The following FAM184B variants were observed in gnomAD, a reference collection of about 807,000 sequenced individuals.
FAM184B encodes protein FAM184B.
A neutral mutation model predicts 135.9 loss-of-function variants in FAM184B; 111 were observed. The ratio of observed to expected loss-of-function variants is 0.82; its 90% CI spans 0.70 to 0.96. The LOEUF is 0.96. Among genes scored for constraint, FAM184B ranks in the 40% least tolerant of loss-of-function variants. The pLI, the probability that FAM184B is intolerant of heterozygous loss-of-function variation, is 0.00. For synonymous variants in FAM184B, 552 were observed against 524.8 expected (o/e 1.05, Z -0.71); for missense variants, 1,375 against 1,323.9 (o/e 1.04, Z -0.60).
intron 10 of FAM184B, among the ~76,000 whole-genome samples, chr4:17,655,195 G>A (rs1283894557): frequency 1.3e-5 from 2 of 152,148 alleles, no homozygotes; most frequent in African/African-American, 4.8e-5. Flanking sequence ...CAAATTCTCT[G>A]ATACCTTCCT....
chr4:17,688,475 C>A lies in FAM184B; in HGVS notation c.1545G>T (p.Glu515Asp). The A allele has an allele frequency of 1.3e-6, 2 of 1,551,172 alleles. No homozygotes were observed. The highest frequency in any genetic ancestry group is 2.4e-5 in the South Asian group (2 of 83,998). ...QQNKTRPTGA[E>D]ESPQELGRQH... ...GGCGGCCTAATTCCTGGGGACTTTC[C>A]TCAGCTCCTGTGGGGCGTGTCTTAT... Residue 515 changes from glutamate (E) to aspartate (D), a missense_variant, in exon 7 of 18, where the codon GAG becomes GAT. Transcript: ENST00000265018.
chr4:17,674,187 A>C (rs1442141147), intron 7 of FAM184B, among the ~76,000 whole-genome samples: 1 of 152,154 alleles, frequency 6.6e-6, no homozygotes, highest in Non-Finnish European at 1.5e-5. Flanking sequence ...TAAAAGTTAA[A>C]AGACAAAAGT....
intron 1 of FAM184B, among the ~76,000 whole-genome samples, chr4:17,766,583 G>T (rs1178879670): frequency 2.0e-5 from 3 of 151,924 alleles, no homozygotes; most frequent in African/African-American, 7.3e-5. Context: ...TAGACATAAA[G>T]GTTCTCCAAG....
At chr4:17,638,134 C>CCTTT (rs1715200429) in intron 14 of FAM184B, among the ~76,000 whole-genome samples, 1 of 73,418 alleles carries the variant, frequency 1.4e-5, no homozygotes, top group African/African-American at 4.6e-5. Context: ...TAACTGTTTG[C>CCTTT]TTTTTTTTTT....
At chr4:17,700,862 C>T (rs1716967583) in intron 5 of FAM184B, among the ~76,000 whole-genome samples, 1 of 151,400 alleles carries the variant, frequency 6.6e-6, no homozygotes, top group South Asian at 2.1e-4. Context: ...AATAGTTGGA[C>T]ATTGAACAAT....
chr4:17,742,139 T>C (rs1410997405), intron 1 of FAM184B, among the ~76,000 whole-genome samples: 4 of 14,726 alleles, frequency 2.7e-4, no homozygotes, highest in Non-Finnish European at 3.6e-4. Flanking sequence ...TACATATGAA[T>C]ATATATATAT....
At chr4:17,648,295 C>T (rs75566345) in intron 11 of FAM184B, among the ~76,000 whole-genome samples, 3,482 of 152,108 alleles carry the variant, frequency 0.023, 59 homozygotes, top group Non-Finnish European at 0.036. Context: ...ACCGAAAAGG[C>T]CTCTTCTGGG....
intron 11 of FAM184B, among the ~76,000 whole-genome samples, chr4:17,651,537 C>CAAAAAAAAAAAAAAAA (rs751455835): frequency 4.6e-5 from 2 of 43,110 alleles, no homozygotes; most frequent in African/African-American, 2.1e-4. Context: ...GACTCTGTCT[C>CAAAAAAAAAAAAAAAA]AAAAAAAAAA....
In FAM184B at chr4:17,658,562, C is replaced by A; in HGVS notation, c.1825G>T (p.Val609Phe). The A allele has an allele frequency of 6.4e-7, 1 of 1,550,494 alleles. No individual in the cohort carries two copies. The highest frequency in any genetic ancestry group is 8.7e-7 in the Non-Finnish European group (1 of 1,146,846). The change falls in exon 10 of 18, where the codon GTC (valine) becomes TTC (phenylalanine). Residue 609 changes from valine to phenylalanine, a missense_variant and splice_region_variant. Val to Phe is a conservative substitution (Grantham distance 50). Transcript: ENST00000265018. ...TCCAGAGCCTGCTGCATCTGTGAGA[C>A]CTGCGCACAAGGCATCCTGCCCTCA... is the stretch of plus-strand genomic sequence containing the variant. ...QSQKAKLQAQ[V>F]SQMQQALEQC...
chr4:17,687,760 C>T (rs1203973828), intron 7 of FAM184B, among the ~76,000 whole-genome samples: 1 of 152,116 alleles, frequency 6.6e-6, no homozygotes, highest in Non-Finnish European at 1.5e-5. Context: ...GCCCAGCAAC[C>T]ACCAGAGGCG....
intron 8 of FAM184B, among the ~76,000 whole-genome samples, chr4:17,664,107 A>G (rs1380756616): frequency 1.3e-5 from 2 of 152,186 alleles, no homozygotes; most frequent in African/African-American, 4.8e-5. Context: ...GATAGAGCCA[A>G]TCATAAGGGT....
At chr4:17,709,732 C>A (rs562134683) in intron 1 of FAM184B, 88 bp from the exon 2 acceptor site, 15 of 1,235,612 alleles carry the variant, frequency 1.2e-5, no homozygotes, top group African/African-American at 1.5e-5. Flanking sequence ...TCCTGCATGG[C>A]GGTTGATCTG....
intron 10 of FAM184B, among the ~76,000 whole-genome samples, chr4:17,657,818 A>G (rs1419074840): frequency 6.6e-6 from 1 of 151,496 alleles, no homozygotes; most frequent in Admixed American, 6.6e-5. Flanking sequence ...CACCACGCCG[A>G]GTTAATTTTT....
chr4:17,711,881 A>G (rs529780274), intron 1 of FAM184B, among the ~76,000 whole-genome samples: 5 of 152,310 alleles, frequency 3.3e-5, no homozygotes, highest in African/African-American at 9.6e-5. Flanking sequence ...TGGCTTCTAC[A>G]TTCTCAGTGG....
chr4:17,684,476 A>G (rs1716532048), intron 7 of FAM184B, among the ~76,000 whole-genome samples: 1 of 152,198 alleles, frequency 6.6e-6, no homozygotes, highest in African/African-American at 2.4e-5. Flanking sequence ...CGCATTTGAA[A>G]GAACAAACAA....
intron 1 of FAM184B, among the ~76,000 whole-genome samples, chr4:17,720,307 C>A (rs1216392052): frequency 6.6e-6 from 1 of 152,188 alleles, no homozygotes; most frequent in Non-Finnish European, 1.5e-5. Flanking sequence ...GCTCTTCCCA[C>A]AATATTCCTC....
intron 1 of FAM184B, among the ~76,000 whole-genome samples, chr4:17,717,181 T>C (rs964570463): frequency 1.3e-5 from 2 of 152,180 alleles, no homozygotes; most frequent in African/African-American, 2.4e-5. Context: ...GCCTGTAAAA[T>C]AGAGAGAATC....
intron 1 of FAM184B, among the ~76,000 whole-genome samples, chr4:17,715,506 A>G (rs1717385636): frequency 6.6e-6 from 1 of 152,048 alleles, no homozygotes; most frequent in Admixed American, 6.6e-5. Flanking sequence ...AACAAAAAAA[A>G]TGAAATTAAT....
chr4:17,722,807 G>C (rs1192156549), intron 1 of FAM184B, among the ~76,000 whole-genome samples: 2 of 152,098 alleles, frequency 1.3e-5, no homozygotes, highest in Admixed American at 6.6e-5. Flanking sequence ...AAGCACCTTT[G>C]GTTGGCCAAC....
Sources: gnomAD v4.1 joint callset for allele counts (sites outside exome capture counted in the v4.1 genomes callset) on GRCh38, gnomAD v4.1.1 for gene constraint, MANE v1.5 for transcripts, NCBI Gene and HGNC (gene_info 2026-07-23, HGNC 2026-07-21) for gene names.